Variants in NEDD9 observed in about 807,000 individuals in gnomAD.
NEDD9 encodes neural precursor cell expressed, developmentally down-regulated 9, also known as enhancer of filamentation 1.
In NEDD9, 26 loss-of-function variants were observed where a neutral mutation model predicts 76.6. The observed-to-expected ratio is 0.34, with a 90% CI of 0.25 to 0.47. The LOEUF is 0.47. NEDD9 is among the 20% of genes least tolerant of loss of function. The probability of loss-of-function intolerance (pLI) is 1.00; values close to 1 mark genes in which losing one functional copy is unlikely to be tolerated. For synonymous variants in NEDD9, 392 were observed against 414.2 expected (o/e 0.95, Z 0.65); for missense variants, 937 against 1,058.5 (o/e 0.89, Z 1.59).
chr6:11,270,290 A>T (rs1189569895), intron 3 of NEDD9, among the ~76,000 whole-genome samples: 1 of 152,122 alleles, frequency 6.6e-6, no homozygotes, highest in East Asian at 1.9e-4. Flanking sequence ...GTAAGTAGTG[A>T]TTAACTGTAA....
At chr6:11,279,474 G>C (rs923909644) in intron 3 of NEDD9, among the ~76,000 whole-genome samples, 1 of 152,364 alleles carries the variant, frequency 6.6e-6, no homozygotes, top group African/African-American at 2.4e-5. Flanking sequence ...CGAAGGCTTC[G>C]TGTGTCTCAG....
chr6:11,313,184 G>C (rs1761427268), intron 2 of NEDD9, among the ~76,000 whole-genome samples: 1 of 152,128 alleles, frequency 6.6e-6, no homozygotes, highest in Non-Finnish European at 1.5e-5. Context: ...TGAATATCTA[G>C]ATGGGTGGAT....
chr6:11,310,816 C>A (rs558114553), intron 2 of NEDD9, among the ~76,000 whole-genome samples: 3 of 152,192 alleles, frequency 2.0e-5, no homozygotes, highest in Non-Finnish European at 4.4e-5. Flanking sequence ...GCAGTCTCCC[C>A]ACCTGCTCCA....
chr6:11,319,854 TCA>T (rs147218825), intron 2 of NEDD9, among the ~76,000 whole-genome samples: 5,616 of 151,986 alleles, frequency 0.037, 203 homozygotes, highest in South Asian at 0.1. Context: ...TCATGCACAC[TCA>T]CACACTCATA....
chr6:11,189,338 A>C (rs72827116), intron 5 of NEDD9, among the ~76,000 whole-genome samples: 3,079 of 152,312 alleles, frequency 0.02, 45 homozygotes, highest in South Asian at 0.048. Context: ...GTAGGAGGCC[A>C]ACTGTGACTA....
At chr6:11,345,170 GAGA>G (rs1762342197) in intron 1 of NEDD9, among the ~76,000 whole-genome samples, 2 of 152,168 alleles carry the variant, frequency 1.3e-5, no homozygotes, top group Admixed American at 1.3e-4. Context: ...CAGATTCTTA[GAGA>G]AGAAGGAGGG....
upstream of NEDD9, among the ~76,000 whole-genome samples, chr6:11,233,677 C>T (rs185754216): frequency 5.3e-5 from 8 of 152,302 alleles, no homozygotes; most frequent in East Asian, 1.2e-3. Flanking sequence ...TATAAAGGTT[C>T]CATTTTAGGA....
At chr6:11,216,566 G>T (rs1260906933) in intron 1 of NEDD9, among the ~76,000 whole-genome samples, 1 of 152,192 alleles carries the variant, frequency 6.6e-6, no homozygotes, top group African/African-American at 2.4e-5. Context: ...TTGTTACTGG[G>T]CTCAGTTCCA....
At chr6:11,194,743 G>T (rs3798729) in intron 2 of NEDD9, among the ~76,000 whole-genome samples, 29,030 of 152,218 alleles carry the variant, frequency 0.19, 2,896 homozygotes, top group East Asian at 0.27. Flanking sequence ...CGTTCATCAC[G>T]ATGCTGGCAT....
chr6:11,305,937 G>A, intron 3 of NEDD9: 6 of 1,597,910 alleles, frequency 3.8e-6, no homozygotes, highest in Non-Finnish European at 5.1e-6. Context: ...TTTAGGCTGA[G>A]CAAACTGGAA....
Position 11,252,258 on chromosome 6 carries a change from C to A in NEDD9, c.13-38531G>T, listed in dbSNP as rs1181218940. Reference sequence around the variant, plus strand: ...TCTACCAGCCTGAGCATGTCATGAACTTTCTGGCTCACTGGGAGCTGAGAA... The same window carrying A: ...TCTACCAGCCTGAGCATGTCATGAAATTTCTGGCTCACTGGGAGCTGAGAA... On this transcript the variant is annotated intron_variant, in intron 3 of 3. Coordinates refer to the NEDD9 transcript ENST00000397378. This position sits in a 1 kb window ranked among gnomAD's most constrained non-coding sequence, Gnocchi z 4.3. Among the ~76,000 whole-genome samples the A allele has an allele frequency of 2.0e-5, 3 of 152,160 alleles. No individual in the cohort carries two copies. Among genetic ancestry groups the A allele is most frequent in the Non-Finnish European group, 2.9e-5 (2 of 68,028 alleles).
In NEDD9 at chr6:11,185,557, C is replaced by A. The variant is rs11546958; in HGVS notation, c.2110G>T (p.Asp704Tyr). ...PTTNSGVSAQ[D>Y]RQLLCFYYDQ... ...TAGTAGAAGCACAGCAACTGCCGAT[C>A]CTGAGCACTCACGCCACTGTTTGTG... Residue 704 changes from aspartate (D) to tyrosine (Y), a missense_variant, in exon 7 of 7, where the codon GAT becomes TAT. Coordinates refer to ENST00000379446, the MANE Select transcript of NEDD9 (RefSeq NM_006403.4). The A allele has an allele frequency of 6.2e-7, 1 of 1,614,194 alleles. No homozygotes were observed. Among genetic ancestry groups the A allele is most frequent in the Admixed American group, 1.7e-5 (1 of 60,018 alleles).
chr6:11,239,913 G>A (rs1759676654), intron 3 of NEDD9, among the ~76,000 whole-genome samples: 4 of 151,866 alleles, frequency 2.6e-5, no homozygotes, highest in African/African-American at 9.7e-5. Context: ...GCATGGTGGT[G>A]CACACCTGTA....
At chr6:11,317,211 T>A (rs901200062) in intron 2 of NEDD9, among the ~76,000 whole-genome samples, 6 of 152,002 alleles carry the variant, frequency 3.9e-5, no homozygotes, top group African/African-American at 1.5e-4. Flanking sequence ...GGCGGGCAGA[T>A]CACCTCAGGT....
At chr6:11,192,753 T>TA (rs572480788) in intron 3 of NEDD9, among the ~76,000 whole-genome samples, 2 of 149,282 alleles carry the variant, frequency 1.3e-5, no homozygotes, top group Non-Finnish European at 3.0e-5. Flanking sequence ...GCCAACATGG[T>TA]AAAACCCCAT....
chr6:11,267,047 C>T (rs1760213775), intron 3 of NEDD9, among the ~76,000 whole-genome samples: 3 of 152,276 alleles, frequency 2.0e-5, no homozygotes, highest in Admixed American at 6.5e-5. Context: ...TTTATAGCAC[C>T]ATGTCAAAGA....
At chr6:11,318,687 TA>T (rs143403060) in intron 2 of NEDD9, among the ~76,000 whole-genome samples, 6 of 151,046 alleles carry the variant, frequency 4.0e-5, no homozygotes, top group East Asian at 3.9e-4. Context: ...GTCTTTAAGT[TA>T]AAAAAAAACA....
At chr6:11,295,559 C>T (rs987232150) in intron 3 of NEDD9, among the ~76,000 whole-genome samples, 5 of 152,068 alleles carry the variant, frequency 3.3e-5, no homozygotes, top group African/African-American at 1.2e-4. Context: ...TGAGATTGTC[C>T]CCAGCTGAGG....
At chr6:11,369,221 GAGAA>G (rs1762817341) in intron 1 of NEDD9, among the ~76,000 whole-genome samples, 1 of 152,142 alleles carries the variant, frequency 6.6e-6, no homozygotes, top group Non-Finnish European at 1.5e-5. Context: ...CCATGCTGCA[GAGAA>G]AGAATCTCCT....
Sources: allele counts gnomAD v4.1 joint callset (sites outside exome capture counted in the v4.1 genomes callset), GRCh38; gene constraint gnomAD v4.1.1; non-coding constraint Gnocchi (gnomAD v3.1); transcripts MANE v1.5; gene names NCBI Gene and HGNC (gene_info 2026-07-23, HGNC 2026-07-21).